Variants in FANCB observed in about 807,000 individuals in gnomAD.
FANCB encodes the protein FA complementation group B.
A neutral mutation model predicts 38.9 loss-of-function variants in FANCB; 5 were observed. That is an observed-to-expected ratio of 0.13 (90% CI 0.07 to 0.27). The LOEUF (loss-of-function observed/expected upper bound fraction) is 0.27. Among genes scored for constraint, FANCB ranks in the 10% least tolerant of loss-of-function variants. FANCB has a pLI of 1.00. For synonymous variants in FANCB, 236 were observed against 215.4 expected (o/e 1.10, Z -0.84); for missense variants, 573 against 602.7 (o/e 0.95, Z 0.52).
At chrX:14,816,533 A>T in the FANCB span, among the ~76,000 whole-genome samples, 1 of 111,951 alleles carries the variant, frequency 8.9e-6, no homozygotes, top group Non-Finnish European at 1.9e-5. Context: ...AACCTATCAT[A>T]GGGTTTCTCA....
At chrX:14,788,328 C>A in the FANCB span, among the ~76,000 whole-genome samples, 1 of 111,648 alleles carries the variant, frequency 9.0e-6, no homozygotes, top group Non-Finnish European at 1.9e-5. Context: ...TTTAGAGGAG[C>A]CCTGTGGAAT....
the FANCB span, among the ~76,000 whole-genome samples, chrX:14,797,229 G>T: frequency 8.9e-6 from 1 of 111,952 alleles, no homozygotes; most frequent in Non-Finnish European, 1.9e-5. Context: ...TCTTTGCAAG[G>T]TAGGACTCTT....
the FANCB span, among the ~76,000 whole-genome samples, chrX:14,693,445 C>A: frequency 1.8e-5 from 2 of 111,163 alleles, no homozygotes; most frequent in Non-Finnish European, 1.9e-5. Flanking sequence ...ATGTCTACAA[C>A]GAATAACATG....
the FANCB span, among the ~76,000 whole-genome samples, chrX:14,703,595 T>G: frequency 8.9e-6 from 1 of 111,758 alleles, no homozygotes; most frequent in Non-Finnish European, 1.9e-5. Context: ...ACATCTTTGG[T>G]AGGCATTATC....
At chrX:14,702,916 T>A in the FANCB span, among the ~76,000 whole-genome samples, 17 of 111,288 alleles carry the variant, frequency 1.5e-4, no homozygotes, top group Admixed American at 1.6e-3. Context: ...ACAAGGGGAC[T>A]CCCAGTGGGG....
chrX:14,797,782 G>A, the FANCB span, among the ~76,000 whole-genome samples: 1 of 110,102 alleles, frequency 9.1e-6, no homozygotes, highest in Non-Finnish European at 1.9e-5. Flanking sequence ...TTGAAGAAAG[G>A]AATATCAAAG....
chrX:14,696,695 C>A, the FANCB span, among the ~76,000 whole-genome samples: 1 of 111,612 alleles, frequency 9.0e-6, no homozygotes, highest in Admixed American at 9.5e-5. Flanking sequence ...TTCAGAGACG[C>A]CAAAGGATCT....
chrX:14,692,555 G>C, the FANCB span, among the ~76,000 whole-genome samples: 1 of 111,695 alleles, frequency 9.0e-6, no homozygotes, highest in African/African-American at 3.3e-5. Context: ...ACTCACCTAG[G>C]ACCCTTGTGA....
the FANCB span, among the ~76,000 whole-genome samples, chrX:14,787,247 A>C: frequency 9.0e-6 from 1 of 111,315 alleles, no homozygotes; most frequent in African/African-American, 3.3e-5. Context: ...CAAAAAGAAC[A>C]AAGAAAAAAA....
At chrX:14,748,155 C>T in the FANCB span, among the ~76,000 whole-genome samples, 9 of 112,078 alleles carry the variant, frequency 8.0e-5, no homozygotes, top group Non-Finnish European at 1.7e-4. Context: ...CTTGCCCTCT[C>T]TGTGGCTTTT....
At chrX:14,759,707 G>A in the FANCB span, among the ~76,000 whole-genome samples, 1 of 110,088 alleles carries the variant, frequency 9.1e-6, no homozygotes, top group Non-Finnish European at 1.9e-5. Context: ...CTGCTAAAAG[G>A]AGCTCTAAAT....
chrX:14,707,998 TTCCC>T, the FANCB span, among the ~76,000 whole-genome samples: 1 of 110,012 alleles, frequency 9.1e-6, no homozygotes, highest in Non-Finnish European at 1.9e-5. Context: ...CCTTCTTTCC[TTCCC>T]TCCCTCCTTC....
rs148516431 is a variant in FANCB at position 14,860,699 on chromosome X, T to C, written c.952-1365A>G. Reference sequence around the variant, plus strand: ...TACCATTTCTATTCATCTTTGAAATTTGATGGTTGACATTTACAACATGTT... The same window carrying C: ...TACCATTTCTATTCATCTTTGAAATCTGATGGTTGACATTTACAACATGTT... On this transcript the variant is annotated intron_variant, in intron 3 of 9. Coordinates refer to ENST00000650831, the MANE Select transcript of FANCB (RefSeq NM_001018113.3). Among the ~76,000 whole-genome samples, 339 of 112,247 alleles carry C rather than the reference T, an allele frequency of 3.0e-3. 1 individual carries two copies. The highest frequency in any genetic ancestry group is 9.9e-3 in the African/African-American group (305 of 30,944).
chrX:14,729,788 A>C, the FANCB span, among the ~76,000 whole-genome samples: 358 of 111,120 alleles, frequency 3.2e-3, 1 homozygote, highest in African/African-American at 0.011. Flanking sequence ...CACACAGCAC[A>C]GGCTCAGTAA....
the FANCB span, among the ~76,000 whole-genome samples, chrX:14,697,689 G>A: frequency 3.6e-5 from 4 of 110,378 alleles, no homozygotes; most frequent in Non-Finnish European, 7.6e-5. Context: ...CTTGTTCTAT[G>A]GCATGGCATG....
chrX:14,690,843 A>G, the FANCB span: 5 of 1,207,162 alleles, frequency 4.1e-6, no homozygotes, highest in African/African-American at 7.0e-5. Flanking sequence ...CGAAGAAGAC[A>G]GAAGAGGCAG....
At chrX:14,793,204 C>T in the FANCB span, among the ~76,000 whole-genome samples, 664 of 112,111 alleles carry the variant, frequency 5.9e-3, 5 homozygotes, top group African/African-American at 0.021. Flanking sequence ...AGATTAAAAA[C>T]CCATAATATA....
intron 7 of FANCB, among the ~76,000 whole-genome samples, 170 bp from the exon 8 acceptor site, chrX:14,845,456 T>C (rs2092372442): frequency 8.9e-6 from 1 of 112,021 alleles, no homozygotes; most frequent in South Asian, 3.6e-4. Context: ...GCCAAACACA[T>C]TTTTAAAGGT....
the FANCB span, among the ~76,000 whole-genome samples, chrX:14,806,130 A>C: frequency 8.9e-6 from 1 of 111,889 alleles, no homozygotes; most frequent in Non-Finnish European, 1.9e-5. Context: ...TGAGTTTCAA[A>C]GGAGGGAAGT....
Sources: allele counts gnomAD v4.1 joint callset (sites outside exome capture counted in the v4.1 genomes callset), GRCh38; gene constraint gnomAD v4.1.1; transcripts MANE v1.5; gene names NCBI Gene and HGNC (gene_info 2026-07-23, HGNC 2026-07-21).